Variants in NAA11 observed in about 807,000 individuals in gnomAD.
NAA11 encodes the protein N-alpha-acetyltransferase 11, NatA catalytic subunit.
NAA11 carries 15 observed loss-of-function variants against 16.1 expected under a neutral mutation model. That is an observed-to-expected ratio of 0.93 (90% CI 0.62 to 1.44). NAA11 has a LOEUF of 1.44. NAA11 is among the 40% of genes most tolerant of loss of function. NAA11 has a pLI of 0.00. For synonymous variants in NAA11, 122 were observed against 112.4 expected (o/e 1.09, Z -0.54); for missense variants, 298 against 291.3 (o/e 1.02, Z -0.17).
the NAA11 span, among the ~76,000 whole-genome samples, chr4:79,168,909 T>C: frequency 6.6e-6 from 1 of 152,150 alleles, no homozygotes; most frequent in South Asian, 2.1e-4. Flanking sequence ...TAGTAAGGTC[T>C]CAGGACACAA....
intron 1 of NAA11, among the ~76,000 whole-genome samples, chr4:79,297,370 C>CG (rs1210448786): frequency 6.6e-6 from 1 of 152,172 alleles, no homozygotes; most frequent in Admixed American, 6.5e-5. Flanking sequence ...CCTGGAGCCC[C>CG]GGCCCCAGAT....
chr4:79,229,244 A>G (rs142179172), intron 2 of NAA11, among the ~76,000 whole-genome samples: 4,035 of 151,940 alleles, frequency 0.027, 72 homozygotes, highest in Middle Eastern at 0.041. Flanking sequence ...TTTATATAGC[A>G]GGAGATATGA....
In NAA11 at chr4:79,325,247, C is replaced by T; in HGVS notation, c.631G>A (p.Glu211Lys). The T allele has an allele frequency of 6.2e-7, 1 of 1,613,664 alleles. No homozygotes were observed. The highest frequency in any genetic ancestry group is 8.5e-7 in the Non-Finnish European group (1 of 1,179,734). ...TGGACGTTGGTGCTCTCCACAGACTCCTTAGGTTCTTTGCTGTCACTGCCA... is the reference window on the plus strand; with the variant it reads ...TGGACGTTGGTGCTCTCCACAGACTTCTTAGGTTCTTTGCTGTCACTGCCA... ...ESGSDSKEPK[E>K]SVESTNVQDS... Residue 211 changes from glutamate (E) to lysine (K), a missense_variant, in exon 1 of 2, where the codon GAG (glutamate) becomes AAG (lysine). Glu to Lys is a moderately conservative substitution (Grantham distance 56). Transcript: ENST00000286794.
chr4:79,228,075 T>A (rs1721366210), intron 2 of NAA11: 1 of 152,032 alleles, frequency 6.6e-6, no homozygotes, highest in Non-Finnish European at 1.5e-5. Context: ...CCGTTTACTG[T>A]GTGCCTATTG....
At chr4:79,167,421 T>C in the NAA11 span, among the ~76,000 whole-genome samples, 13 of 150,758 alleles carry the variant, frequency 8.6e-5, 1 homozygote, top group African/African-American at 2.9e-4. Flanking sequence ...AGTCCAATGA[T>C]AGGGATAGAT....
At chr4:79,284,576 A>C (rs1282861515) in intron 2 of NAA11, among the ~76,000 whole-genome samples, 1 of 152,008 alleles carries the variant, frequency 6.6e-6, no homozygotes, top group Non-Finnish European at 1.5e-5. Flanking sequence ...TGATGTCTTA[A>C]AGAATGATTG....
At chr4:79,305,376 A>G (rs187671378) in intron 1 of NAA11, among the ~76,000 whole-genome samples, 2 of 152,352 alleles carry the variant, frequency 1.3e-5, no homozygotes, top group Admixed American at 1.3e-4. Flanking sequence ...TCACAAAGTA[A>G]AACATGACTG....
the NAA11 span, among the ~76,000 whole-genome samples, chr4:79,190,627 C>T: frequency 6.6e-6 from 1 of 151,982 alleles, no homozygotes; most frequent in African/African-American, 2.4e-5. Context: ...CCCATTTATC[C>T]CCCTGGAGGA....
chr4:79,325,122 G>C, intron 1 of NAA11, 54 bp downstream of exon 1: 1 of 1,445,408 alleles, frequency 6.9e-7, no homozygotes, highest in Non-Finnish European at 9.3e-7. Flanking sequence ...GCAGGCCAAG[G>C]CAGGATGCAG....
chr4:79,282,479 G>A (rs1426591809), intron 2 of NAA11, among the ~76,000 whole-genome samples: 1 of 151,976 alleles, frequency 6.6e-6, no homozygotes, highest in East Asian at 1.9e-4. Flanking sequence ...TTTCAGAGGT[G>A]GAATTGACAA....
At chr4:79,207,206 A>G in the NAA11 span, among the ~76,000 whole-genome samples, 1 of 151,890 alleles carries the variant, frequency 6.6e-6, no homozygotes, top group South Asian at 2.1e-4. Context: ...CTCTTGCCTG[A>G]TTGCTCTGGC....
the NAA11 span, among the ~76,000 whole-genome samples, chr4:79,156,071 A>G: frequency 3.3e-5 from 5 of 152,208 alleles, no homozygotes; most frequent in Non-Finnish European, 7.3e-5. Context: ...CCCTGGATGT[A>G]CCTGGAGTTT....
At chr4:79,309,905 C>G (rs1398482564) in intron 1 of NAA11, among the ~76,000 whole-genome samples, 1 of 151,812 alleles carries the variant, frequency 6.6e-6, no homozygotes, top group African/African-American at 2.4e-5. Context: ...TTAGTAAAGA[C>G]GAGGTTTCAC....
At chr4:79,238,387 A>G (rs1721617064) in intron 2 of NAA11, among the ~76,000 whole-genome samples, 1 of 152,238 alleles carries the variant, frequency 6.6e-6, no homozygotes, top group South Asian at 2.1e-4. Flanking sequence ...AAAAATCATT[A>G]TAACTTAAAA....
chr4:79,220,603 T>G, the NAA11 span, among the ~76,000 whole-genome samples: 2 of 152,142 alleles, frequency 1.3e-5, no homozygotes, highest in African/African-American at 4.8e-5. Context: ...CCTAATAGTA[T>G]TAATTTGTTT....
At chr4:79,193,403 A>G in the NAA11 span, among the ~76,000 whole-genome samples, 2 of 152,158 alleles carry the variant, frequency 1.3e-5, no homozygotes, top group Admixed American at 1.3e-4. Context: ...ATTTTTGTAT[A>G]AGGTGTAAAG....
chr4:79,287,555 T>C (rs1281184499), intron 2 of NAA11, among the ~76,000 whole-genome samples: 2 of 152,128 alleles, frequency 1.3e-5, no homozygotes, highest in East Asian at 3.8e-4. Flanking sequence ...TTAGGTTAGC[T>C]TTATTATTTG....
the NAA11 span, among the ~76,000 whole-genome samples, chr4:79,215,405 G>A: frequency 1.3e-5 from 2 of 152,282 alleles, no homozygotes; most frequent in Admixed American, 1.3e-4. Flanking sequence ...AGAGTAGACT[G>A]GCCAGAACAG....
chr4:79,295,410 A>T (rs1312092413), intron 1 of NAA11, among the ~76,000 whole-genome samples: 1 of 152,246 alleles, frequency 6.6e-6, no homozygotes, highest in Non-Finnish European at 1.5e-5. Context: ...TGACTAAGGG[A>T]TATTTAGGTT....
Sources: gnomAD v4.1 joint callset for allele counts (sites outside exome capture counted in the v4.1 genomes callset) on GRCh38, gnomAD v4.1.1 for gene constraint, MANE v1.5 for transcripts, NCBI Gene and HGNC (gene_info 2026-07-23, HGNC 2026-07-21) for gene names.